Variants in ROBO2 observed in about 807,000 individuals in gnomAD.
ROBO2 encodes the protein roundabout homolog 2.
ROBO2 carries 53 observed loss-of-function variants against 160.8 expected under a neutral mutation model. That is an observed-to-expected ratio of 0.33 (90% confidence interval 0.26 to 0.41). ROBO2 has a LOEUF of 0.41. Ranked by LOEUF, ROBO2 falls within the 10% of genes least tolerant of loss-of-function variation. The probability of loss-of-function intolerance (pLI) is 1.00; values close to 1 mark genes in which losing one functional copy is unlikely to be tolerated. For missense variants in ROBO2, 1,577 were observed against 1,722.4 expected (o/e 0.92, Z 1.49); for synonymous variants, 664 against 611.7 (o/e 1.09, Z -1.26).
At chr3:76,932,766 G>C (rs893792926) in intron 2 of ROBO2, among the ~76,000 whole-genome samples, 1 of 152,216 alleles carries the variant, frequency 6.6e-6, no homozygotes, top group Admixed American at 6.5e-5. Context: ...CCTTTCACAT[G>C]TTCACTACCA....
chr3:76,316,632 A>G (rs1269496194), intron 2 of ROBO2, among the ~76,000 whole-genome samples: 1 of 152,220 alleles, frequency 6.6e-6, no homozygotes, highest in African/African-American at 2.4e-5. Flanking sequence ...CAGCTCATGA[A>G]GTTAACAGGA....
chr3:77,500,688 TTGACAACTTTCAGAGGGA>T (rs937320632), intron 5 of ROBO2, among the ~76,000 whole-genome samples: 1 of 152,200 alleles, frequency 6.6e-6, no homozygotes, highest in African/African-American at 2.4e-5. Context: ...ACAGGATTAA[TTGACAACTTTCAGAGGGA>T]TGACAGAATT....
At chr3:77,472,066 T>C (rs1296413591) in intron 2 of ROBO2, among the ~76,000 whole-genome samples, 1 of 152,116 alleles carries the variant, frequency 6.6e-6, no homozygotes, top group Non-Finnish European at 1.5e-5. Context: ...TAGTTTAAAG[T>C]CTGAAGTGGC....
At chr3:76,286,109 G>A (rs1708492382) in intron 2 of ROBO2, among the ~76,000 whole-genome samples, 1 of 152,136 alleles carries the variant, frequency 6.6e-6, no homozygotes, top group South Asian at 2.1e-4. Context: ...TACTTATTAT[G>A]TAAAAAGATA....
chr3:75,958,325 C>T (rs1948789288), intron 2 of ROBO2, among the ~76,000 whole-genome samples: 1 of 151,770 alleles, frequency 6.6e-6, no homozygotes, highest in African/African-American at 2.4e-5. Flanking sequence ...CATTCATTGA[C>T]ACTTACGTGG....
intron 2 of ROBO2, among the ~76,000 whole-genome samples, chr3:76,685,651 A>G (rs1270549577): frequency 6.6e-6 from 1 of 152,172 alleles, no homozygotes; most frequent in Non-Finnish European, 1.5e-5. Flanking sequence ...ATTTGACAAC[A>G]AAATTTGAGT....
At chr3:77,133,474 A>G (rs12495253) in intron 2 of ROBO2, among the ~76,000 whole-genome samples, 89,988 of 152,014 alleles carry the variant, frequency 0.59, 27,123 homozygotes, top group Middle Eastern at 0.69. Flanking sequence ...AGAAATCTTG[A>G]CATTATATTT....
intron 2 of ROBO2, chr3:77,316,687 A>G (rs1269578876): frequency 4.1e-6 from 3 of 740,740 alleles, no homozygotes; most frequent in Non-Finnish European, 7.4e-6. Context: ...ATTAAAAGGT[A>G]CACTAAATTC....
chr3:76,352,418 TAA>T (rs2074932723), intron 2 of ROBO2, among the ~76,000 whole-genome samples: 1 of 152,020 alleles, frequency 6.6e-6, no homozygotes, highest in South Asian at 2.1e-4. Flanking sequence ...CATTGTGGAG[TAA>T]AGTCCCAGCT....
intron 2 of ROBO2, among the ~76,000 whole-genome samples, chr3:77,264,640 T>C (rs2059010364): frequency 6.6e-6 from 1 of 152,176 alleles, no homozygotes; most frequent in Non-Finnish European, 1.5e-5. Context: ...ATTTTTGTTT[T>C]TGATATGATC....
At chr3:77,171,647 A>G (rs2079642745) in intron 2 of ROBO2, among the ~76,000 whole-genome samples, 3 of 152,182 alleles carry the variant, frequency 2.0e-5, no homozygotes, top group Admixed American at 1.3e-4. Context: ...GTTGTGTTGT[A>G]CAGGTATCAG....
At chr3:76,844,314 C>T (rs1197374442) in intron 2 of ROBO2, among the ~76,000 whole-genome samples, 2 of 151,946 alleles carry the variant, frequency 1.3e-5, no homozygotes, top group Non-Finnish European at 2.9e-5. Flanking sequence ...GCAATCTTAA[C>T]ATAAATTCTC....
intron 2 of ROBO2, among the ~76,000 whole-genome samples, chr3:76,262,367 C>A (rs990517297): frequency 6.6e-6 from 1 of 151,942 alleles, no homozygotes; most frequent in Non-Finnish European, 1.5e-5. Flanking sequence ...GTAGATGACA[C>A]ATTACAAAAT....
chr3:77,346,065 T>C (rs1217149900), intron 2 of ROBO2, among the ~76,000 whole-genome samples: 1 of 152,142 alleles, frequency 6.6e-6, no homozygotes, highest in East Asian at 1.9e-4. Flanking sequence ...TCTGTGTTAC[T>C]AAAACAGAAC....
chr3:76,442,216 T>C (rs1221517936), intron 2 of ROBO2, among the ~76,000 whole-genome samples: 2 of 152,170 alleles, frequency 1.3e-5, no homozygotes, highest in African/African-American at 4.8e-5. Context: ...GTGTTGTATT[T>C]TTAAGAATGA....
intron 2 of ROBO2, among the ~76,000 whole-genome samples, chr3:76,561,048 A>G (rs563257164): frequency 2.7e-5 from 4 of 150,598 alleles, no homozygotes; most frequent in South Asian, 2.1e-4. Flanking sequence ...CTCTCTCTAT[A>G]TATAGACACA....
intron 2 of ROBO2, among the ~76,000 whole-genome samples, chr3:77,475,858 T>G (rs999999979): frequency 1.3e-5 from 2 of 152,128 alleles, no homozygotes; most frequent in African/African-American, 4.8e-5. Flanking sequence ...CTCATGCATA[T>G]AAATCACACC....
chr3:76,081,388 A>G (rs1402397122), intron 2 of ROBO2, among the ~76,000 whole-genome samples: 1 of 152,158 alleles, frequency 6.6e-6, no homozygotes, highest in East Asian at 1.9e-4. Flanking sequence ...GGTGAAAATC[A>G]TGCCTCAACA....
intron 2 of ROBO2, among the ~76,000 whole-genome samples, chr3:77,165,959 T>C (rs983256056): frequency 2.0e-5 from 3 of 152,248 alleles, no homozygotes; most frequent in African/African-American, 7.2e-5. Flanking sequence ...TTGTTACTAT[T>C]TTGCTGAAGT....
Sources: allele counts gnomAD v4.1 joint callset (sites outside exome capture counted in the v4.1 genomes callset), GRCh38; gene constraint gnomAD v4.1.1; transcripts MANE v1.5; gene names NCBI Gene and HGNC (gene_info 2026-07-23, HGNC 2026-07-21).